Variants in CCDC85A observed in about 807,000 individuals in gnomAD.
CCDC85A encodes coiled-coil domain-containing protein 85A.
A neutral mutation model predicts 50.2 loss-of-function variants in CCDC85A; 38 were observed. That is an observed-to-expected ratio of 0.76 (90% CI 0.58 to 0.99). The LOEUF is 0.99. Ranked by LOEUF, CCDC85A falls within the 50% of genes least tolerant of loss-of-function variation. The probability of loss-of-function intolerance (pLI) is 0.00; values close to 1 mark genes in which losing one functional copy is unlikely to be tolerated. For synonymous variants in CCDC85A, 366 were observed against 301.4 expected (o/e 1.21, Z -2.22); for missense variants, 820 against 742.0 (o/e 1.11, Z -1.22).
At chr2:56,194,111 C>G (rs1676434348) in intron 2 of CCDC85A, among the ~76,000 whole-genome samples, 2 of 152,174 alleles carry the variant, frequency 1.3e-5, no homozygotes, top group Non-Finnish European at 2.9e-5. Context: ...CATCAAACTC[C>G]CTTATACATA....
At chr2:56,337,574 C>T (rs774584075) in intron 2 of CCDC85A, among the ~76,000 whole-genome samples, 1 of 152,116 alleles carries the variant, frequency 6.6e-6, no homozygotes, top group African/African-American at 2.4e-5. Flanking sequence ...CCAGGTCCAT[C>T]TGTGGCTCCA....
At chr2:56,274,543 G>A (rs1472772578) in intron 2 of CCDC85A, among the ~76,000 whole-genome samples, 1 of 152,268 alleles carries the variant, frequency 6.6e-6, no homozygotes, top group South Asian at 2.1e-4. Flanking sequence ...GCTTTCAACC[G>A]ATTGGATAAA....
intron 2 of CCDC85A, among the ~76,000 whole-genome samples, chr2:56,305,318 A>G (rs1451860830): frequency 1.3e-5 from 2 of 152,350 alleles, no homozygotes; most frequent in East Asian, 1.9e-4. Context: ...TCCAACAAGC[A>G]TGTGAGGTAA....
chr2:56,269,233 T>C (rs1670591383), intron 2 of CCDC85A, among the ~76,000 whole-genome samples: 2 of 152,098 alleles, frequency 1.3e-5, no homozygotes, highest in African/African-American at 4.8e-5. Context: ...CTGGGACACA[T>C]AAACATATCC....
At chr2:56,247,298 G>A (rs1312748409) in intron 2 of CCDC85A, among the ~76,000 whole-genome samples, 1 of 152,164 alleles carries the variant, frequency 6.6e-6, no homozygotes, top group Non-Finnish European at 1.5e-5. Context: ...GATAGTGAAT[G>A]AAGAGAAATT....
chr2:56,248,799 A>C (rs1271010495), intron 2 of CCDC85A, among the ~76,000 whole-genome samples: 1 of 152,176 alleles, frequency 6.6e-6, no homozygotes, highest in African/African-American at 2.4e-5. Flanking sequence ...TTTCATTAGA[A>C]TCCTCATGGT....
chr2:56,315,536 C>T (rs1425520870), intron 2 of CCDC85A, among the ~76,000 whole-genome samples: 3 of 151,922 alleles, frequency 2.0e-5, no homozygotes, highest in African/African-American at 4.8e-5. Context: ...TCAAGTAATG[C>T]ATGTAACTGA....
At chr2:56,352,640 C>G (rs1675013526) in intron 3 of CCDC85A, among the ~76,000 whole-genome samples, 1 of 152,200 alleles carries the variant, frequency 6.6e-6, no homozygotes, top group South Asian at 2.1e-4. Context: ...GCCACTGCCC[C>G]TGGCAAGACT....
intron 2 of CCDC85A, among the ~76,000 whole-genome samples, chr2:56,266,385 C>A (rs946462211): frequency 6.6e-6 from 1 of 152,090 alleles, no homozygotes; most frequent in Non-Finnish European, 1.5e-5. Flanking sequence ...GCCTGGGCAA[C>A]ATAGCAAGAC....
intron 2 of CCDC85A, among the ~76,000 whole-genome samples, chr2:56,209,586 G>C (rs1205674424): frequency 1.3e-5 from 2 of 151,946 alleles, no homozygotes; most frequent in African/African-American, 4.8e-5. Context: ...GTATGGATAG[G>C]TCTGCATTGG....
At chr2:56,318,073 A>G (rs1035656284) in intron 2 of CCDC85A, among the ~76,000 whole-genome samples, 1 of 152,144 alleles carries the variant, frequency 6.6e-6, no homozygotes, top group Non-Finnish European at 1.5e-5. Context: ...GCCTATCAAT[A>G]CATCACTTCC....
chr2:56,208,632 T>A (rs1169301971), intron 2 of CCDC85A, among the ~76,000 whole-genome samples: 1 of 152,070 alleles, frequency 6.6e-6, no homozygotes, highest in Non-Finnish European at 1.5e-5. Flanking sequence ...TAAACCCAGG[T>A]TGATTCAGAG....
At chr2:56,365,147 A>G (rs1397727342) in intron 3 of CCDC85A, among the ~76,000 whole-genome samples, 4 of 152,158 alleles carry the variant, frequency 2.6e-5, no homozygotes, top group African/African-American at 9.7e-5. Flanking sequence ...TTTCCTGAAC[A>G]TGTCAGCAGC....
In CCDC85A at chr2:56,314,663, G is replaced by A. The variant is rs7594546; in HGVS notation, c.1241-28216G>A. Among the ~76,000 whole-genome samples, 1,415 of 152,222 alleles carry A rather than the reference G, an allele frequency of 9.3e-3. 31 individuals are homozygous for A. The highest frequency in any genetic ancestry group is 0.032 in the African/African-American group (1,339 of 41,540). On this transcript the variant is annotated intron_variant, in intron 2 of 5. Transcript: ENST00000407595. ...TTTGTTGATTTGGTGAGGGATTCTG[G>A]AATTGGAAGGGATATAGCTTGGAAA...
At chr2:56,319,869 A>G (rs1673088814) in intron 2 of CCDC85A, among the ~76,000 whole-genome samples, 1 of 152,162 alleles carries the variant, frequency 6.6e-6, no homozygotes, top group Non-Finnish European at 1.5e-5. Flanking sequence ...TTATTCCAAA[A>G]TTGACCACAT....
chr2:56,325,311 G>T (rs1011157043), intron 2 of CCDC85A, among the ~76,000 whole-genome samples: 1 of 152,034 alleles, frequency 6.6e-6, no homozygotes, highest in Non-Finnish European at 1.5e-5. Flanking sequence ...AGTTACTTTA[G>T]GTGTAGAGAA....
chr2:56,342,618 C>T (rs1674428417), intron 2 of CCDC85A, among the ~76,000 whole-genome samples: 1 of 152,134 alleles, frequency 6.6e-6, no homozygotes, highest in Non-Finnish European at 1.5e-5. Flanking sequence ...TAATACTAAT[C>T]GTCAATTGTG....
At chr2:56,223,811 T>G (rs1668430597) in intron 2 of CCDC85A, among the ~76,000 whole-genome samples, 1 of 152,156 alleles carries the variant, frequency 6.6e-6, no homozygotes, top group Non-Finnish European at 1.5e-5. Context: ...ATTGGAGATT[T>G]GAAAAGATAT....
At chr2:56,285,913 T>C (rs1671422089) in intron 2 of CCDC85A, among the ~76,000 whole-genome samples, 1 of 151,642 alleles carries the variant, frequency 6.6e-6, no homozygotes, top group Admixed American at 6.6e-5. Flanking sequence ...TGGATATAAA[T>C]CTTCTTAGGC....
Sources: allele counts gnomAD v4.1 joint callset (sites outside exome capture counted in the v4.1 genomes callset), GRCh38; gene constraint gnomAD v4.1.1; transcripts MANE v1.5; gene names NCBI Gene and HGNC (gene_info 2026-07-23, HGNC 2026-07-21).